MTMR14: variants seen among roughly 807,000 people sequenced by gnomAD.
The protein encoded by MTMR14 is myotubularin related protein 14, also known as phosphatidylinositol-3,5-bisphosphate 3-phosphatase MTMR14.
MTMR14 carries 48 observed loss-of-function variants against 86.3 expected under a neutral mutation model. The ratio of observed to expected loss-of-function variants is 0.56; its 90% CI spans 0.44 to 0.71. MTMR14 has a LOEUF of 0.71. MTMR14 is among the 30% of genes least tolerant of loss of function. The pLI is 0.00. For missense variants in MTMR14, 780 were observed against 834.6 expected (o/e 0.93, Z 0.81); for synonymous variants, 366 against 326.1 (o/e 1.12, Z -1.32).
rs1383847576 is a variant in MTMR14 at position 9,683,500 on chromosome 3, T to A, written c.964+256T>A. On this transcript the variant is annotated intron_variant, in intron 10 of 18. Coordinates refer to ENST00000296003, the MANE Select transcript of MTMR14 (RefSeq NM_001077525.3). ...TGCCGTGCACAGGGTATTTTCACAC[T>A]GTCTCAGCATTGCACAACAGCATTG... 5 of 477,948 alleles carry A rather than the reference T, an allele frequency of 1.0e-5. No individual in the cohort carries two copies. In the East Asian group the frequency reaches 2.0e-4, roughly 19 times the overall value. The allele number at this position is 477,948 out of a possible 1,614,324, so 29.6% of individuals were successfully genotyped here.
intron 6 of MTMR14, among the ~76,000 whole-genome samples, chr3:9,672,220 G>A (rs1243946791): frequency 7.2e-5 from 11 of 152,102 alleles, no homozygotes; most frequent in Non-Finnish European, 1.2e-4. Flanking sequence ...TGGTTGATAT[G>A]TTGGAATAGG....
chr3:9,686,945 T>C (rs372107359), intron 13 of MTMR14, among the ~76,000 whole-genome samples: 3 of 152,224 alleles, frequency 2.0e-5, no homozygotes, highest in African/African-American at 7.2e-5. Flanking sequence ...CTCCTGCCTG[T>C]GCCCACCTCA....
chr3:9,686,324 A>G (rs1024093989), intron 13 of MTMR14, among the ~76,000 whole-genome samples: 4 of 152,188 alleles, frequency 2.6e-5, no homozygotes, highest in Non-Finnish European at 5.9e-5. Flanking sequence ...GCTCTGGGAC[A>G]TTCTACCCTC....
At chr3:9,688,288 G>T (rs962278462) in intron 14 of MTMR14, among the ~76,000 whole-genome samples, 1 of 152,210 alleles carries the variant, frequency 6.6e-6, no homozygotes, top group Non-Finnish European at 1.5e-5. Context: ...GAACACTGCA[G>T]CCCCCTACAA....
intron 2 of MTMR14, 178 bp downstream of exon 2, chr3:9,653,947 A>G (rs2047455391): frequency 1.3e-6 from 1 of 792,408 alleles, no homozygotes; most frequent in Non-Finnish European, 2.1e-6. Flanking sequence ...CATGGCATAG[A>G]ATGAGGGGTT....
At chr3:9,672,625 A>C in intron 6 of MTMR14, 60 bp from the exon 7 acceptor site, 4 of 1,380,260 alleles carry the variant, frequency 2.9e-6, no homozygotes, top group Non-Finnish European at 4.1e-6. Context: ...TTATTTGGGG[A>C]ATGGTGTGTG....
chr3:9,667,449 T>C (rs1397813735), intron 3 of MTMR14, among the ~76,000 whole-genome samples: 5 of 152,232 alleles, frequency 3.3e-5, no homozygotes, highest in African/African-American at 9.6e-5. Context: ...TATTTTTTTT[T>C]TCAGGAGATA....
In MTMR14 at chr3:9,672,576, A is replaced by G. The variant is rs1401999036; in HGVS notation, c.678-109A>G. 1.2e-4 allele frequency: 118 copies of G among 944,542 alleles called. 1 individual carries two copies. The highest frequency in any genetic ancestry group is 1.2e-4 in the Non-Finnish European group (71 of 574,250). 58.5% of individuals were successfully genotyped at this position (944,542 alleles called of 1,614,324 possible). A position where few individuals can be genotyped will look rare whatever the true frequency, so the allele number is the denominator to read the frequency against. On this transcript the variant is annotated intron_variant, in intron 6 of 18. Transcript: ENST00000296003. ...AAGGGAATTATTAACAATGAAGAAT[A>G]GTTTTTTTTAGCAGAAGCTTCATTT... is the stretch of plus-strand genomic sequence containing the variant.
chr3:9,656,704 C>T (rs2047627969), intron 2 of MTMR14, among the ~76,000 whole-genome samples: 1 of 152,204 alleles, frequency 6.6e-6, no homozygotes, highest in Non-Finnish European at 1.5e-5. Context: ...AGGTGTGAGC[C>T]ACCGCGCCCA....
At chr3:9,690,210 C>A in intron 17 of MTMR14, 67 bp downstream of exon 17, 1 of 1,555,496 alleles carries the variant, frequency 6.4e-7, no homozygotes, top group South Asian at 1.1e-5. Context: ...ACTGGAGGGT[C>A]GGGGGCCAGC....
intron 5 of MTMR14, 106 bp from the exon 6 acceptor site, chr3:9,670,942 G>C: frequency 6.8e-7 from 1 of 1,467,998 alleles, no homozygotes. Context: ...ACACGCCCCA[G>C]CTTCTGGAGA....
rs756841361 is a variant in MTMR14 at position 9,671,081 on chromosome 3, A to G, written c.588A>G (p.Arg196=). 7 of 1,614,170 alleles carry G rather than the reference A, an allele frequency of 4.3e-6. No individual in the cohort carries two copies. Among genetic ancestry groups the G allele is most frequent in the Non-Finnish European group, 2.5e-6 (3 of 1,180,012 alleles). The change falls in exon 6 of 19, where the codon AGA becomes AGG. Residue 196 remains arginine, a synonymous_variant. Coordinates refer to ENST00000296003, the MANE Select transcript of MTMR14 (RefSeq NM_001077525.3). ...ACACGCATCTTTTTGATAAGGTCAG[A>G]GGCTATGACATCAAGCTGCTTCGAT... The part of the protein sequence containing the change: ...SGDTHLFDKV[R]GYDIKLLRYL...
At chr3:9,700,411 C>CTT (rs2076416711) in intron 18 of MTMR14, 1 of 152,200 alleles carries the variant, frequency 6.6e-6, no homozygotes, top group Non-Finnish European at 1.5e-5. Flanking sequence ...AGTACCTGAA[C>CTT]TTTGAGTCCA....
chr3:9,698,890 C>T (rs926764185), intron 18 of MTMR14, among the ~76,000 whole-genome samples: 17 of 152,016 alleles, frequency 1.1e-4, no homozygotes, highest in Admixed American at 2.0e-4. Flanking sequence ...AATTGCAGGC[C>T]GGGCATGGTG....
chr3:9,689,706 A>G (rs1036112665), intron 16 of MTMR14, among the ~76,000 whole-genome samples: 1 of 152,234 alleles, frequency 6.6e-6, no homozygotes, highest in Non-Finnish European at 1.5e-5. Context: ...GGAGGTGGGC[A>G]GTGACTGAAG....
At chr3:9,697,124 T>A (rs2076304863) in intron 17 of MTMR14, among the ~76,000 whole-genome samples, 1 of 152,166 alleles carries the variant, frequency 6.6e-6, no homozygotes, top group South Asian at 2.1e-4. Context: ...GGGCTGATGC[T>A]TCTGAATACA....
At position 9,660,947 on chromosome 3, in the gene MTMR14, A is replaced by C. The variant is rs536421139; in HGVS notation, c.309-1320A>C. ...GGGGTGAGCTTTGCTAAAGGTTGGTAGGTGAGTTTATGAGAGCGGACCCTT... is the reference window on the plus strand; with the variant it reads ...GGGGTGAGCTTTGCTAAAGGTTGGTCGGTGAGTTTATGAGAGCGGACCCTT... On this transcript the variant is annotated intron_variant, in intron 2 of 18. Coordinates refer to ENST00000296003, the MANE Select transcript of MTMR14 (RefSeq NM_001077525.3). Among the ~76,000 whole-genome samples the C allele has an allele frequency of 5.9e-5, 9 of 152,302 alleles. No individual in the cohort carries two copies. The South Asian group carries it at 1.0e-3, about 18-fold the overall frequency.
chr3:9,698,348 G>A (rs2076347609), intron 18 of MTMR14, among the ~76,000 whole-genome samples: 1 of 152,226 alleles, frequency 6.6e-6, no homozygotes, highest in African/African-American at 2.4e-5. Flanking sequence ...ATAAGAATTG[G>A]ATGGGGATTC....
In MTMR14 at chr3:9,701,939, T is replaced by G. The variant is rs1424348226; in HGVS notation, c.1919T>G (p.Val640Gly). 6.2e-7 allele frequency: 1 copy of G among 1,614,082 alleles called. No individual in the cohort carries two copies. The highest frequency in any genetic ancestry group is 8.5e-7 in the Non-Finnish European group (1 of 1,180,038). Residue 640 changes from valine to glycine, a missense_variant, in exon 19 of 19, where the codon GTT becomes GGT. Transcript: ENST00000296003. The surrounding 1 kb of genome is among the most constrained non-coding windows in gnomAD (Gnocchi z 4.2). ...CTGCTGGAGCAATTTGCCCGTGGTG[T>G]TGGACTCCGGAGCATCAGCAGCAAT... The part of the protein sequence containing the change: ...GGLLEQFARG[V>G]GLRSISSNAL
Sources: allele counts gnomAD v4.1 joint callset (sites outside exome capture counted in the v4.1 genomes callset), GRCh38; gene constraint gnomAD v4.1.1; non-coding constraint Gnocchi (gnomAD v3.1); transcripts MANE v1.5; gene names NCBI Gene and HGNC (gene_info 2026-07-23, HGNC 2026-07-21).